The following SYT16 variants were observed in gnomAD, a reference collection of about 807,000 sequenced individuals.
The protein encoded by SYT16 is synaptotagmin 16, also known as synaptotagmin-16.
Under a neutral mutation model 61.4 loss-of-function variants are expected in SYT16, and 42 were observed. That is an observed-to-expected ratio of 0.68 (90% confidence interval 0.53 to 0.89). The LOEUF (loss-of-function observed/expected upper bound fraction) is 0.89. SYT16 is among the 40% of genes least tolerant of loss of function. The pLI, the probability that SYT16 is intolerant of heterozygous loss-of-function variation, is 0.00. For synonymous variants in SYT16, 314 were observed against 302.3 expected (o/e 1.04, Z -0.40); for missense variants, 804 against 807.3 (o/e 1.00, Z 0.05).
At chr14:62,070,850 G>A (rs1206467563) in intron 4 of SYT16, among the ~76,000 whole-genome samples, 1 of 152,164 alleles carries the variant, frequency 6.6e-6, no homozygotes, top group Non-Finnish European at 1.5e-5. Flanking sequence ...GGGCATAGCT[G>A]TAGATGTTCC....
chr14:61,909,152 G>A (rs894461163), intron 1 of SYT16, among the ~76,000 whole-genome samples: 2 of 152,166 alleles, frequency 1.3e-5, no homozygotes, highest in South Asian at 2.1e-4. Flanking sequence ...GGATATTTTT[G>A]TGAGTACTTT....
intron 3 of SYT16, among the ~76,000 whole-genome samples, chr14:62,034,831 C>G (rs944325216): frequency 2.0e-5 from 3 of 152,060 alleles, no homozygotes; most frequent in African/African-American, 7.2e-5. Context: ...GTACTGTATA[C>G]TTAAAATTGG....
At chr14:61,993,120 G>A (rs2052622810) in intron 2 of SYT16, among the ~76,000 whole-genome samples, 1 of 152,130 alleles carries the variant, frequency 6.6e-6, no homozygotes, top group African/African-American at 2.4e-5. Flanking sequence ...ACAAGAAGAT[G>A]CTGGCTCAAA....
intron 3 of SYT16, among the ~76,000 whole-genome samples, chr14:61,998,271 C>T (rs2052851556): frequency 6.6e-6 from 1 of 151,880 alleles, no homozygotes. Flanking sequence ...GACAAATAGA[C>T]ACAGTCTTGT....
intron 3 of SYT16, among the ~76,000 whole-genome samples, chr14:62,062,831 C>T (rs2055885119): frequency 6.6e-6 from 1 of 152,136 alleles, no homozygotes; most frequent in African/African-American, 2.4e-5. Flanking sequence ...CACAACCCAC[C>T]CCTACCTGTC....
chr14:61,941,256 C>T (rs1423905484), intron 1 of SYT16, among the ~76,000 whole-genome samples: 1 of 152,152 alleles, frequency 6.6e-6, no homozygotes, highest in Non-Finnish European at 1.5e-5. Flanking sequence ...CTAGCTATCC[C>T]TTAGTGATGC....
At chr14:62,030,509 T>G (rs916492316) in intron 3 of SYT16, among the ~76,000 whole-genome samples, 1 of 152,226 alleles carries the variant, frequency 6.6e-6, no homozygotes, top group African/African-American at 2.4e-5. Flanking sequence ...TACATAGAAC[T>G]ACACCAGTCC....
At chr14:62,015,994 A>G (rs7161389) in intron 3 of SYT16, among the ~76,000 whole-genome samples, 68,007 of 151,988 alleles carry the variant, frequency 0.45, 15,721 homozygotes, top group East Asian at 0.71. Context: ...TAGTCCTGGG[A>G]GCTCTGGTTG....
intron 3 of SYT16, among the ~76,000 whole-genome samples, chr14:62,064,045 G>T (rs967330965): frequency 6.6e-6 from 1 of 152,054 alleles, no homozygotes; most frequent in African/African-American, 2.4e-5. Flanking sequence ...CTTTTTTTCT[G>T]TCACATTAGC....
intron 3 of SYT16, among the ~76,000 whole-genome samples, chr14:62,041,802 C>G (rs959719371): frequency 2.0e-5 from 3 of 152,184 alleles, no homozygotes; most frequent in African/African-American, 7.2e-5. Flanking sequence ...TGTCCCACAG[C>G]TCACTGGTGC....
At chr14:61,847,051 G>A (rs1413696597) in intron 1 of SYT16, among the ~76,000 whole-genome samples, 3 of 152,022 alleles carry the variant, frequency 2.0e-5, no homozygotes, top group African/African-American at 7.3e-5. Flanking sequence ...TTTTTGGTCA[G>A]TTCATCATTT....
At chr14:62,008,032 C>A (rs2053293920) in intron 3 of SYT16, among the ~76,000 whole-genome samples, 1 of 151,946 alleles carries the variant, frequency 6.6e-6, no homozygotes. Context: ...ACTACAAAAT[C>A]AATAAGGTCT....
chr14:62,075,027 G>A (rs972353488), intron 4 of SYT16, 108 bp from the exon 5 acceptor site: 3 of 1,229,802 alleles, frequency 2.4e-6, no homozygotes, highest in Admixed American at 2.4e-5. Flanking sequence ...ATTGGTATGG[G>A]TTCTGTTTCT....
chr14:61,839,789 C>T (rs1387065955), intron 1 of SYT16, among the ~76,000 whole-genome samples: 2 of 151,948 alleles, frequency 1.3e-5, no homozygotes, highest in Non-Finnish European at 2.9e-5. Flanking sequence ...TTCCCATGCG[C>T]TTACTTAGGG....
At chr14:62,063,668 A>C (rs1388973681) in intron 3 of SYT16, among the ~76,000 whole-genome samples, 1 of 152,188 alleles carries the variant, frequency 6.6e-6, no homozygotes, top group East Asian at 1.9e-4. Context: ...TCTTTGGAAG[A>C]TAAAGATGGA....
intron 7 of SYT16, among the ~76,000 whole-genome samples, chr14:62,091,770 C>A (rs567785314): frequency 6.6e-6 from 1 of 152,114 alleles, no homozygotes; most frequent in Non-Finnish European, 1.5e-5. Flanking sequence ...AAACATAGGG[C>A]AAAAACTTTA....
intron 1 of SYT16, among the ~76,000 whole-genome samples, chr14:61,912,235 A>C (rs1004675124): frequency 1.3e-5 from 2 of 152,228 alleles, no homozygotes; most frequent in African/African-American, 4.8e-5. Flanking sequence ...CTAAGCACTG[A>C]GAAACAGAAT....
chr14:61,823,977 A>T (rs145900258), intron 1 of SYT16, among the ~76,000 whole-genome samples: 93 of 152,350 alleles, frequency 6.1e-4, no homozygotes, highest in African/African-American at 1.9e-3. Context: ...ATTTGTAATC[A>T]ACTTAAGACT....
chr14:61,910,187 ACAT>A (rs1262743272), intron 1 of SYT16, among the ~76,000 whole-genome samples: 4 of 151,938 alleles, frequency 2.6e-5, no homozygotes, highest in Admixed American at 6.6e-5. Flanking sequence ...TTCAAATATG[ACAT>A]CATATTAATA....
Sources: allele counts gnomAD v4.1 joint callset (sites outside exome capture counted in the v4.1 genomes callset), GRCh38; gene constraint gnomAD v4.1.1; transcripts MANE v1.5; gene names NCBI Gene and HGNC (gene_info 2026-07-23, HGNC 2026-07-21).